BANK1: variants seen among roughly 807,000 people sequenced by gnomAD.
The protein encoded by BANK1 is B-cell scaffold protein with ankyrin repeats.
In BANK1, 95 loss-of-function variants were observed where a neutral mutation model predicts 94.5. The observed-to-expected ratio is 1.00, with a 90% CI of 0.85 to 1.19. BANK1 has a LOEUF of 1.19. Ranked by LOEUF, BANK1 falls within the 50% of genes most tolerant of loss-of-function variation. BANK1 has a pLI of 0.00. For missense variants in BANK1, 987 were observed against 932.2 expected, an observed-to-expected ratio of 1.06 and a Z score of -0.77; for synonymous variants, 334 against 308.4, an observed-to-expected ratio of 1.08 and a Z score of -0.87.
chr4:101,989,301 A>G (rs547765410), intron 7 of BANK1, among the ~76,000 whole-genome samples: 2 of 151,738 alleles, frequency 1.3e-5, no homozygotes, highest in East Asian at 3.9e-4. Context: ...AAATGTGGTG[A>G]GCACCTGTAA....
At chr4:102,015,613 C>G (rs141850630) in intron 7 of BANK1, among the ~76,000 whole-genome samples, 1 of 152,214 alleles carries the variant, frequency 6.6e-6, no homozygotes, top group Non-Finnish European at 1.5e-5. Flanking sequence ...GGAGGAGTGT[C>G]CTGGAAAAGA....
At chr4:102,044,744 T>C (rs1420852575) in intron 11 of BANK1, among the ~76,000 whole-genome samples, 3 of 80,638 alleles carry the variant, frequency 3.7e-5, no homozygotes, top group Non-Finnish European at 4.9e-5. Context: ...TGAGATGGTA[T>C]CTCATTGTGG....
At chr4:101,890,742 T>G (rs1357819844) in intron 5 of BANK1, among the ~76,000 whole-genome samples, 3 of 150,572 alleles carry the variant, frequency 2.0e-5, no homozygotes, top group African/African-American at 7.3e-5. Context: ...TGCTTTCCTG[T>G]GTGTTACTTA....
intron 7 of BANK1, among the ~76,000 whole-genome samples, chr4:102,007,408 A>C (rs895205731): frequency 6.6e-6 from 1 of 151,536 alleles, no homozygotes; most frequent in Non-Finnish European, 1.5e-5. Context: ...GAGACAAATC[A>C]GTGCTAAAAG....
chr4:101,951,183 G>A (rs1282231314), intron 7 of BANK1, among the ~76,000 whole-genome samples: 1 of 152,064 alleles, frequency 6.6e-6, no homozygotes, highest in Non-Finnish European at 1.5e-5. Flanking sequence ...AATAATGGGG[G>A]AAACTGGGTG....
At chr4:102,040,021 T>C (rs1050691110) in intron 10 of BANK1, among the ~76,000 whole-genome samples, 5 of 152,118 alleles carry the variant, frequency 3.3e-5, no homozygotes, top group African/African-American at 1.2e-4. Context: ...TTTTTATCAC[T>C]ATAGCCACTT....
intron 7 of BANK1, among the ~76,000 whole-genome samples, chr4:101,946,644 AG>A (rs1346688919): frequency 1.3e-5 from 2 of 152,118 alleles, no homozygotes; most frequent in Admixed American, 6.6e-5. Context: ...AATGAGTCCA[AG>A]TTTGCAGCCT....
intron 8 of BANK1, among the ~76,000 whole-genome samples, chr4:102,023,841 A>G (rs1196658699): frequency 2.6e-5 from 4 of 152,212 alleles, no homozygotes; most frequent in Non-Finnish European, 5.9e-5. Context: ...GAAATAATAA[A>G]GTTCCTTTGC....
chr4:101,825,883 G>A (rs1048673366), intron 1 of BANK1, among the ~76,000 whole-genome samples: 1 of 151,958 alleles, frequency 6.6e-6, no homozygotes, highest in African/African-American at 2.4e-5. Flanking sequence ...CTAGAGTATT[G>A]AGAAAGACTA....
rs920344613 is a variant in BANK1 at position 101,843,512 on chromosome 4, G to C, written c.470-11523G>C. On this transcript the variant is annotated intron_variant, in intron 2 of 16. Coordinates refer to ENST00000322953, the MANE Select transcript of BANK1 (RefSeq NM_017935.5). ...ATTATTATATTCAAATGTTAGGAAT[G>C]CTTTCCCATAACCCTGGAACCCACT... 7.2e-5 allele frequency among the ~76,000 whole-genome samples: 11 copies of C among 152,252 alleles called. No individual in the cohort carries two copies. In the East Asian group the frequency reaches 1.7e-3, roughly 24 times the overall value.
At chr4:101,829,497 TTATC>T (rs1726518732) in intron 1 of BANK1, among the ~76,000 whole-genome samples, 1 of 151,980 alleles carries the variant, frequency 6.6e-6, no homozygotes, top group South Asian at 2.1e-4. Flanking sequence ...ATCTATAACA[TTATC>T]TATGTCTAAT....
chr4:101,955,217 A>G (rs1197350541), intron 7 of BANK1, among the ~76,000 whole-genome samples: 1 of 152,154 alleles, frequency 6.6e-6, no homozygotes, highest in Non-Finnish European at 1.5e-5. Flanking sequence ...TTACTAAAAG[A>G]GATGATACGG....
intron 7 of BANK1, among the ~76,000 whole-genome samples, chr4:101,985,866 T>G (rs972577197): frequency 6.6e-6 from 1 of 152,156 alleles, no homozygotes; most frequent in Non-Finnish European, 1.5e-5. Context: ...TTTATGCATT[T>G]ATTGAAGATT....
intron 2 of BANK1, among the ~76,000 whole-genome samples, chr4:101,851,535 T>C (rs1401861429): frequency 1.3e-5 from 2 of 152,070 alleles, no homozygotes; most frequent in African/African-American, 4.8e-5. Context: ...GGGTGGGAGA[T>C]AGAGTAGAAG....
At chr4:101,837,919 C>T (rs1188634051) in intron 2 of BANK1, among the ~76,000 whole-genome samples, 1 of 142,212 alleles carries the variant, frequency 7.0e-6, no homozygotes, top group East Asian at 2.4e-4. Context: ...TTCTCTCTCC[C>T]CCTTTCCCTC....
intron 4 of BANK1, among the ~76,000 whole-genome samples, chr4:101,866,273 A>G (rs1359509522): frequency 6.6e-6 from 1 of 152,168 alleles, no homozygotes; most frequent in African/African-American, 2.4e-5. Flanking sequence ...ATTGAATTTG[A>G]AGACAGGTCA....
At chr4:102,010,803 A>T (rs1726481707) in intron 7 of BANK1, among the ~76,000 whole-genome samples, 1 of 152,204 alleles carries the variant, frequency 6.6e-6, no homozygotes, top group Non-Finnish European at 1.5e-5. Context: ...CATGTTATTC[A>T]TTCACTTAGT....
intron 7 of BANK1, among the ~76,000 whole-genome samples, chr4:101,996,745 G>A (rs1725892631): frequency 6.6e-6 from 1 of 152,142 alleles, no homozygotes; most frequent in Non-Finnish European, 1.5e-5. Context: ...TGTTCTTAGT[G>A]TATAGGAATG....
chr4:101,867,571 G>T (rs1197870722), intron 4 of BANK1, among the ~76,000 whole-genome samples: 1 of 151,878 alleles, frequency 6.6e-6, no homozygotes, highest in African/African-American at 2.4e-5. Flanking sequence ...AGTAAACACT[G>T]TCAATGTGTT....
Sources: allele counts gnomAD v4.1 joint callset (sites outside exome capture counted in the v4.1 genomes callset), GRCh38; gene constraint gnomAD v4.1.1; transcripts MANE v1.5; gene names NCBI Gene and HGNC (gene_info 2026-07-23, HGNC 2026-07-21).